KCNH7: variants seen among roughly 807,000 people sequenced by gnomAD.
The protein encoded by KCNH7 is potassium voltage-gated channel subfamily H member 7.
KCNH7 carries 49 observed loss-of-function variants against 120.8 expected under a neutral mutation model. The observed-to-expected ratio is 0.41, with a 90% confidence interval of 0.32 to 0.51. The LOEUF is 0.51. Ranked by LOEUF, KCNH7 falls within the 20% of genes least tolerant of loss-of-function variation. KCNH7 has a pLI of 0.38. For missense variants in KCNH7, 1,097 were observed against 1,446.6 expected (o/e 0.76, Z 3.92); for synonymous variants, 547 against 516.1 (o/e 1.06, Z -0.81).
intron 2 of KCNH7, among the ~76,000 whole-genome samples, chr2:162,673,388 T>A (rs1685427527): frequency 6.6e-6 from 1 of 152,068 alleles, no homozygotes; most frequent in Non-Finnish European, 1.5e-5. Flanking sequence ...TATTTTGACA[T>A]TAAGAAATCA....
chr2:162,727,110 A>T (rs1247321766), intron 2 of KCNH7, among the ~76,000 whole-genome samples: 1 of 152,212 alleles, frequency 6.6e-6, no homozygotes, highest in Non-Finnish European at 1.5e-5. Flanking sequence ...TTACTTAAAC[A>T]TACCTATCTA....
chr2:162,739,562 C>T (rs991601425), intron 2 of KCNH7, among the ~76,000 whole-genome samples: 2 of 152,138 alleles, frequency 1.3e-5, no homozygotes, highest in African/African-American at 4.8e-5. Context: ...GCTCCAGGTC[C>T]TACATGGGGC....
chr2:162,449,834 T>C (rs1688706246), intron 6 of KCNH7, among the ~76,000 whole-genome samples: 1 of 152,044 alleles, frequency 6.6e-6, no homozygotes, highest in Non-Finnish European at 1.5e-5. Context: ...TGGTAGTTTA[T>C]TATGGCAGCC....
rs529294561 is a variant in KCNH7, at chr2:162,740,162, T to C, written c.307+96375A>G. 9.9e-5 allele frequency among the ~76,000 whole-genome samples: 15 copies of C among 152,268 alleles called. 1 individual carries two copies. The South Asian group carries it at 3.1e-3, about 32-fold the overall frequency. On this transcript the variant is annotated intron_variant, in intron 2 of 15. Coordinates refer to ENST00000332142, the MANE Select transcript of KCNH7 (RefSeq NM_033272.4). ...GCTCAGGTAAAACCATCCTTTTGTG[T>C]CAGGACCCGAGCCAGGAGGTGGACA...
intron 3 of KCNH7, chr2:162,528,291 T>C (rs1413368450): frequency 6.6e-6 from 1 of 151,922 alleles, no homozygotes. Flanking sequence ...GTTCTCCAGT[T>C]TTCCAGTCTT....
intron 2 of KCNH7, among the ~76,000 whole-genome samples, chr2:162,800,102 T>C (rs980322922): frequency 6.6e-6 from 1 of 151,546 alleles, no homozygotes; most frequent in African/African-American, 2.4e-5. Flanking sequence ...CAATGAGTAT[T>C]CCAGGGGCAG....
chr2:162,823,978 C>T (rs897484956), intron 2 of KCNH7, among the ~76,000 whole-genome samples: 1 of 152,104 alleles, frequency 6.6e-6, no homozygotes, highest in African/African-American at 2.4e-5. Flanking sequence ...ATTTCTGTAG[C>T]AGAGCATTAG....
At chr2:162,722,782 T>A (rs1052700621) in intron 2 of KCNH7, among the ~76,000 whole-genome samples, 4 of 151,504 alleles carry the variant, frequency 2.6e-5, no homozygotes, top group Non-Finnish European at 5.9e-5. Flanking sequence ...TCATCATGTT[T>A]TCTTCAATCC....
intron 2 of KCNH7, among the ~76,000 whole-genome samples, chr2:162,553,565 C>T (rs1300825594): frequency 1.3e-5 from 2 of 151,944 alleles, no homozygotes; most frequent in African/African-American, 4.8e-5. Flanking sequence ...AGGAAAATGG[C>T]GTGAACCCGG....
chr2:162,802,882 A>G (rs116441107), intron 2 of KCNH7, among the ~76,000 whole-genome samples: 3,663 of 151,852 alleles, frequency 0.024, 144 homozygotes, highest in African/African-American at 0.083. Context: ...CAGATTTTTT[A>G]TTTAATTTTA....
chr2:162,556,663 T>C (rs1254662778), intron 2 of KCNH7, among the ~76,000 whole-genome samples: 2 of 152,226 alleles, frequency 1.3e-5, no homozygotes, highest in Admixed American at 1.3e-4. Context: ...AATCCATTCC[T>C]TTTTAACATA....
chr2:162,665,816 T>C (rs1302581026), intron 2 of KCNH7, among the ~76,000 whole-genome samples: 2 of 152,144 alleles, frequency 1.3e-5, no homozygotes, highest in Non-Finnish European at 2.9e-5. Context: ...CAGGGAGTCA[T>C]CTTCGCTTCT....
At chr2:162,674,795 T>C (rs919432241) in intron 2 of KCNH7, among the ~76,000 whole-genome samples, 4 of 151,490 alleles carry the variant, frequency 2.6e-5, no homozygotes, top group African/African-American at 7.3e-5. Flanking sequence ...CAAAGCACAC[T>C]GAAAAATCAA....
chr2:162,801,057 A>G (rs1394352324), intron 2 of KCNH7, among the ~76,000 whole-genome samples: 2 of 151,836 alleles, frequency 1.3e-5, no homozygotes, highest in African/African-American at 4.8e-5. Context: ...AGCCATGTTT[A>G]TATTTATGGA....
At chr2:162,778,983 GC>G (rs1356919765) in intron 2 of KCNH7, among the ~76,000 whole-genome samples, 1 of 140,804 alleles carries the variant, frequency 7.1e-6, no homozygotes, top group African/African-American at 2.7e-5. Context: ...GGGTTCATCT[GC>G]CTAGGTCATT....
intron 2 of KCNH7, among the ~76,000 whole-genome samples, chr2:162,720,044 C>T (rs963779892): frequency 4.0e-5 from 6 of 151,894 alleles, no homozygotes; most frequent in African/African-American, 1.5e-4. Flanking sequence ...TTATTGCTGC[C>T]TTGAGATAGG....
At chr2:162,726,026 C>T (rs967350025) in intron 2 of KCNH7, among the ~76,000 whole-genome samples, 1 of 152,114 alleles carries the variant, frequency 6.6e-6, no homozygotes, top group Non-Finnish European at 1.5e-5. Flanking sequence ...ACAAAAATTT[C>T]TCTGATTTTT....
intron 2 of KCNH7, among the ~76,000 whole-genome samples, chr2:162,728,891 A>C (rs1217758493): frequency 6.6e-6 from 1 of 152,188 alleles, no homozygotes; most frequent in Admixed American, 6.5e-5. Flanking sequence ...AAAAGTATGA[A>C]AATTTCTCCA....
In KCNH7 at chr2:162,410,535, C is replaced by T. The variant is rs185108250; in HGVS notation, c.2155-10094G>A. Among the ~76,000 whole-genome samples, 3 of 151,652 alleles carry T rather than the reference C, an allele frequency of 2.0e-5. No individual in the cohort carries two copies. In the East Asian group the frequency reaches 5.8e-4, roughly 29 times the overall value. ...ATATCATTACCAACACCTCTTCAAC[C>T]TTGGCAAAAATTTATGACTAAATCC... On this transcript the variant is annotated intron_variant, in intron 9 of 15. Transcript: ENST00000332142.
Sources: allele counts gnomAD v4.1 joint callset (sites outside exome capture counted in the v4.1 genomes callset), GRCh38; gene constraint gnomAD v4.1.1; transcripts MANE v1.5; gene names NCBI Gene and HGNC (gene_info 2026-07-23, HGNC 2026-07-21).